RP1: variants seen among roughly 807,000 people sequenced by gnomAD.
RP1 encodes RP1 axonemal microtubule associated.
In RP1, 16 loss-of-function variants were observed where a neutral mutation model predicts 14.8. That is an observed-to-expected ratio of 1.08 (90% CI 0.73 to 1.65). RP1 has a LOEUF of 1.65. Among genes scored for constraint, RP1 ranks in the 40% most tolerant of loss-of-function variants. The probability of loss-of-function intolerance (pLI) is 0.00; values close to 1 mark genes in which losing one functional copy is unlikely to be tolerated. For missense variants in RP1, 2,631 were observed against 2,535.0 expected (o/e 1.04, Z -0.81); for synonymous variants, 876 against 883.6 (o/e 0.99, Z 0.15).
At chr8:54,719,284 C>CAGA (rs1808480276) in intron 15 of RP1, among the ~76,000 whole-genome samples, 1 of 152,176 alleles carries the variant, frequency 6.6e-6, no homozygotes, top group African/African-American at 2.4e-5. Flanking sequence ...AATGCAAGGC[C>CAGA]AGAATCTTAT....
At position 54,621,009 on chromosome 8, in the gene RP1, A is replaced by C; in HGVS notation, c.43A>C (p.Thr15Pro). The C allele has an allele frequency of 6.2e-7, 1 of 1,614,086 alleles. No individual in the cohort carries two copies. Among genetic ancestry groups the C allele is most frequent in the African/African-American group, 1.3e-5 (1 of 75,006 alleles). ...TACTGGTTTTTCCATCATTCATCCT[A>C]CGTCTTCTGAAGGTCAAGTTCCACC... ...PSTGFSIIHP[T>P]SSEGQVPPPR... Residue 15 changes from threonine (T) to proline (P), a missense_variant, in exon 2 of 4, where the codon ACG becomes CCG. Transcript: ENST00000220676.
intron 3 of RP1, among the ~76,000 whole-genome samples, chr8:54,622,640 T>TACC (rs1805912995): frequency 6.6e-6 from 1 of 152,236 alleles, no homozygotes; most frequent in Non-Finnish European, 1.5e-5. Flanking sequence ...CTCTAAATAG[T>TACC]ACCATGCAGC....
chr8:54,605,313 G>A (rs1425839743), intron 1 of RP1, among the ~76,000 whole-genome samples: 2 of 152,206 alleles, frequency 1.3e-5, no homozygotes, highest in Non-Finnish European at 2.9e-5. Flanking sequence ...AGTCATTCAG[G>A]AGCAGGTTGT....
At chr8:54,868,426 TA>T (rs1812506380) in intron 28 of RP1, among the ~76,000 whole-genome samples, 1 of 152,146 alleles carries the variant, frequency 6.6e-6, no homozygotes, top group African/African-American at 2.4e-5. Flanking sequence ...AAATAAGTAT[TA>T]AAAAATTATC....
intron 15 of RP1, among the ~76,000 whole-genome samples, chr8:54,709,910 G>T (rs577498122): frequency 1.4e-4 from 21 of 152,308 alleles, no homozygotes; most frequent in African/African-American, 4.8e-4. Context: ...AAGCAGTTTG[G>T]TACACTGAAA....
At chr8:54,734,810 GT>G (rs1808880557) in intron 18 of RP1, 1 of 1,067,146 alleles carries the variant, frequency 9.4e-7, no homozygotes, top group African/African-American at 1.6e-5. Context: ...ATGTAGAAGT[GT>G]GTGTGTGTGT....
chr8:54,739,788 T>C (rs1313177796), intron 19 of RP1, among the ~76,000 whole-genome samples: 1 of 152,086 alleles, frequency 6.6e-6, no homozygotes, highest in African/African-American at 2.4e-5. Flanking sequence ...ACATAGGATG[T>C]TTTGATTAGC....
At chr8:54,839,155 C>T (rs955512817) in intron 25 of RP1, among the ~76,000 whole-genome samples, 1 of 152,142 alleles carries the variant, frequency 6.6e-6, no homozygotes, top group Non-Finnish European at 1.5e-5. Context: ...CCTACTTGGT[C>T]ATTTTGCCTT....
chr8:54,776,179 G>C (rs951310317), intron 23 of RP1, among the ~76,000 whole-genome samples: 4 of 152,114 alleles, frequency 2.6e-5, no homozygotes, highest in Non-Finnish European at 5.9e-5. Flanking sequence ...CAAATATTGT[G>C]CCATTTTGTT....
At chr8:54,685,312 T>C (rs1299725701) in intron 12 of RP1, among the ~76,000 whole-genome samples, 1 of 152,154 alleles carries the variant, frequency 6.6e-6, no homozygotes, top group Non-Finnish European at 1.5e-5. Flanking sequence ...ATTTCCCTCT[T>C]AATACTGCTT....
chr8:54,563,783 A>G (rs1804340658), intron 1 of RP1, among the ~76,000 whole-genome samples: 1 of 152,248 alleles, frequency 6.6e-6, no homozygotes, highest in African/African-American at 2.4e-5. Context: ...TGCTGGGCTC[A>G]AGTGACTCTC....
At chr8:54,770,205 G>T, downstream of RP1, 1 of 400,376 alleles carries the variant, frequency 2.5e-6, no homozygotes, top group East Asian at 3.6e-5. Context: ...TTAATCATCT[G>T]AAATAATCCA....
intron 1 of RP1, among the ~76,000 whole-genome samples, chr8:54,606,421 C>A (rs1433925345): frequency 2.0e-5 from 3 of 151,772 alleles, no homozygotes; most frequent in Non-Finnish European, 4.4e-5. Context: ...TGCTGTTACT[C>A]TGATGGGCTT....
chr8:54,627,171 G>A lies in RP1; in HGVS notation c.3289G>A (p.Gly1097Ser). Reference protein sequence around the residue: ...MLHQLQASVPGIHKTQNGVVQ... With the variant: ...MLHQLQASVPSIHKTQNGVVQ... Reference sequence around the variant, plus strand: ...TCACCAATTGCAAGCTTCAGTTCCTGGTATTCACAAGACTCAGAATGGAGT... The same window carrying A: ...TCACCAATTGCAAGCTTCAGTTCCTAGTATTCACAAGACTCAGAATGGAGT... Residue 1097 changes from glycine (G) to serine (S), a missense_variant, in exon 4 of 4, where the codon GGT (glycine) becomes AGT (serine). Gly to Ser is a moderately conservative substitution (Grantham distance 56). Transcript: ENST00000220676. 6.2e-7 allele frequency: 1 copy of A among 1,614,008 alleles called. No individual in the cohort carries two copies. Among genetic ancestry groups the A allele is most frequent in the Non-Finnish European group, 8.5e-7 (1 of 1,179,976 alleles).
In RP1 at chr8:54,625,978, A is replaced by G. The variant is rs1032149552; in HGVS notation, c.2096A>G (p.Asn699Ser). Residue 699 changes from asparagine (N) to serine (S), a missense_variant, in exon 4 of 4, where the codon AAT (asparagine) becomes AGT (serine). Physicochemically the swap from Asn to Ser is conservative, Grantham distance 46. Transcript: ENST00000220676. ...QLATKGILNK[N>S]ERINTKGRIT... The stretch of plus-strand genomic sequence containing the variant: ...GCAACCAAAGGAATTCTTAATAAGA[A>G]TGAGAGAATAAACACAAAAGGTAGA... 1.2e-6 allele frequency: 2 copies of G among 1,613,896 alleles called. No individual in the cohort carries two copies. Among genetic ancestry groups the G allele is most frequent in the Non-Finnish European group, 1.7e-6 (2 of 1,179,970 alleles).
chr8:54,858,329 G>A (rs1190534690), intron 27 of RP1, among the ~76,000 whole-genome samples: 1 of 152,152 alleles, frequency 6.6e-6, no homozygotes, highest in Non-Finnish European at 1.5e-5. Context: ...AGGAAGGAAT[G>A]ACATAATATG....
At chr8:54,806,280 G>A (rs181779939) in intron 24 of RP1, among the ~76,000 whole-genome samples, 2 of 152,108 alleles carry the variant, frequency 1.3e-5, no homozygotes, top group African/African-American at 4.8e-5. Flanking sequence ...GCCTCCCAAA[G>A]TGCTGGGATT....
intron 13 of RP1, chr8:54,701,418 T>C (rs1808013657): frequency 1.5e-6 from 2 of 1,378,110 alleles, no homozygotes; most frequent in East Asian, 2.5e-5. Context: ...TATATGTATA[T>C]AATGTGATTA....
At chr8:54,670,521 G>GTATA (rs199972170) in intron 7 of RP1, among the ~76,000 whole-genome samples, 5,288 of 51,266 alleles carry the variant, frequency 0.1, 1,234 homozygotes, top group Middle Eastern at 0.21. Context: ...ATATATGTAT[G>GTATA]TGTATATATA....
Sources: allele counts gnomAD v4.1 joint callset (sites outside exome capture counted in the v4.1 genomes callset), GRCh38; gene constraint gnomAD v4.1.1; transcripts MANE v1.5; gene names NCBI Gene and HGNC (gene_info 2026-07-23, HGNC 2026-07-21).